SET: variants seen among roughly 807,000 people sequenced by gnomAD.
SET encodes SET nuclear proto-oncogene.
Under a neutral mutation model 39.0 loss-of-function variants are expected in SET, and 4 were observed. The observed-to-expected ratio is 0.10, with a 90% CI of 0.05 to 0.23. The LOEUF (loss-of-function observed/expected upper bound fraction) is 0.23. SET is among the 10% of genes least tolerant of loss of function. The probability of loss-of-function intolerance (pLI) is 1.00; values close to 1 mark genes in which losing one functional copy is unlikely to be tolerated. For missense variants in SET, 137 were observed against 329.7 expected, an observed-to-expected ratio of 0.42 and a Z score of 4.53; for synonymous variants, 114 against 115.9, an observed-to-expected ratio of 0.98 and a Z score of 0.11.
rs879052185 is a variant in SET, at chr9:128,694,003, T to G, written c.771T>G (p.Gly257=). The part of the protein sequence containing the change: ...DIDEEGDEDE[G]EEDEDDDEGE... ...ACGAAGAAGGGGATGAGGATGAAGG[T>G]GAAGAAGATGAAGATGATGATGAAG... Residue 257 remains glycine, a synonymous_variant, in exon 7 of 8, where the codon GGT becomes GGG. Coordinates refer to ENST00000322030, the MANE Select transcript of SET (RefSeq NM_003011.4). The G allele has an allele frequency of 2.6e-6, 4 of 1,538,830 alleles. No homozygotes were observed. Among genetic ancestry groups the G allele is most frequent in the Non-Finnish European group, 2.7e-6 (3 of 1,125,412 alleles).
chr9:128,694,825 T>TG lies in SET; in HGVS notation c.*167dup, dbSNP rs1377677779. 8 of 493,542 alleles carry TG rather than the reference T, an allele frequency of 1.6e-5. No homozygotes were observed. Among genetic ancestry groups the TG allele is most frequent in the South Asian group, 3.4e-5 (1 of 29,664 alleles). The allele number at this position is 493,542 out of a possible 1,614,324, so 30.6% of individuals were successfully genotyped here. A position where few individuals can be genotyped will look rare whatever the true frequency, so the allele number is the denominator to read the frequency against. On this transcript the variant is annotated 3_prime_UTR_variant, in exon 8 of 8. Transcript: ENST00000322030. ...TCTACTCCATGGTTCTCAATTTATT[T>TG]GGGGGGAAATACCTTGAGCAGAATA...
At chr9:128,693,043 C>T (rs1861603376) in intron 5 of SET, 62 bp downstream of exon 5, 3 of 1,080,922 alleles carry the variant, frequency 2.8e-6, no homozygotes, top group Admixed American at 2.0e-5. Context: ...TAGTTTTAAC[C>T]ACTTACAAGT....
chr9:128,691,560 ATCG>A (rs1465825550), intron 2 of SET, among the ~76,000 whole-genome samples: 1 of 152,180 alleles, frequency 6.6e-6, no homozygotes, highest in Non-Finnish European at 1.5e-5. Flanking sequence ...TTATTTAGAA[ATCG>A]CGCTTGAGGG....
Position 128,693,913 on chromosome 9 carries a change from T to A in SET, c.681T>A (p.Asp227Glu), listed in dbSNP as rs1554776989. 1.3e-6 allele frequency: 2 copies of A among 1,596,840 alleles called. No homozygotes were observed. Among genetic ancestry groups the A allele is most frequent in the South Asian group, 1.1e-5 (1 of 89,182 alleles). The change falls in exon 7 of 8, where the codon GAT becomes GAA. Residue 227 changes from aspartate to glutamate, a missense_variant. By Grantham distance (45) the Asp-to-Glu change is conservative. This residue lies in a region of SET where 44 missense variants were observed against 63.0 expected (regional missense o/e 0.70). Transcript: ENST00000322030. ...LQYYLVPDMD[D>E]EEGEGEEDDD... is the part of the protein sequence containing the mutation. ...TTTTTAAGGTTCCCGATATGGATGA[T>A]GAAGAAGGAGAAGGAGAAGAAGATG...
upstream of SET, among the ~76,000 whole-genome samples, chr9:128,686,038 AAAC>A (rs1861275226): frequency 6.6e-6 from 1 of 151,904 alleles, no homozygotes; most frequent in Non-Finnish European, 1.5e-5. Context: ...ACAAAAAAAA[AAAC>A]AACCAGAGGG....
In SET at chr9:128,689,294, C is replaced by G. The variant is rs1861405981; in HGVS notation, c.-289C>G. ...GCAGCGAGCTGGCTGGATCGCCGAG[C>G]GCGAGTGAGGGAGCCGAGCCGCCCG... On this transcript the variant is annotated 5_prime_UTR_variant, in exon 1 of 8. Transcript: ENST00000322030. 2 of 1,018,482 alleles carry G rather than the reference C, an allele frequency of 2.0e-6. No homozygotes were observed. Among genetic ancestry groups the G allele is most frequent in the African/African-American group, 1.7e-5 (1 of 58,102 alleles). The allele number at this position is 1,018,482 out of a possible 1,614,324, so 63.1% of individuals were successfully genotyped here.
rs1861670740 is a variant in SET, at chr9:128,694,757, T to TTC, written c.*94_*95dup. On this transcript the variant is annotated 3_prime_UTR_variant, in exon 8 of 8. Coordinates refer to ENST00000322030, the MANE Select transcript of SET (RefSeq NM_003011.4). ...GTCTTTTTTTTTTTTTTTTTTTTTT[T>TTC]TCCCTCTTGTGCTCAGTCGCCCTGT... is the stretch of plus-strand genomic sequence containing the variant. The TTC allele has an allele frequency of 3.1e-6, 2 of 644,392 alleles. No homozygotes were observed. Among genetic ancestry groups the TTC allele is most frequent in the Admixed American group, 3.1e-5 (1 of 32,074 alleles). 39.9% of individuals were successfully genotyped at this position (644,392 alleles called of 1,614,324 possible).
chr9:128,693,014 C>A, intron 5 of SET, 33 bp downstream of exon 5: 1 of 1,405,664 alleles, frequency 7.1e-7, no homozygotes, highest in Non-Finnish European at 1.0e-6. Context: ...ACAAAAATAG[C>A]ATTTTGCCTA....
intron 5 of SET, 52 bp downstream of exon 5, chr9:128,693,033 T>C (rs777701953): frequency 1.6e-6 from 2 of 1,229,212 alleles, no homozygotes; most frequent in Admixed American, 3.7e-5. Flanking sequence ...TATTTCAGTT[T>C]AGTTTTAACC....
chr9:128,692,407 A>AC (rs1861574933), intron 3 of SET: 2 of 255,746 alleles, frequency 7.8e-6, no homozygotes, highest in African/African-American at 2.4e-5. Flanking sequence ...CAAAAAAAAA[A>AC]AAAAAAAAAA....
At chr9:128,688,740 A>G (rs1861374649), upstream of SET, among the ~76,000 whole-genome samples, 1 of 152,146 alleles carries the variant, frequency 6.6e-6, no homozygotes, top group Non-Finnish European at 1.5e-5. Context: ...CCCGAGTTTG[A>G]GTCCGATCGG....
chr9:128,683,756 C>A, exon 1 of SET: 1 of 648,546 alleles, frequency 1.5e-6, no homozygotes. Flanking sequence ...GTGTGTCCCA[C>A]TGTCATGTAA....
chr9:128,695,794 C>G lies in SET; in HGVS notation c.*1130C>G. The G allele has an allele frequency of 4.4e-6, 1 of 224,784 alleles. No individual in the cohort carries two copies. The highest frequency in any genetic ancestry group is 6.3e-5 in the East Asian group (1 of 15,796). 13.9% of individuals were successfully genotyped at this position (224,784 alleles called of 1,614,324 possible). The stretch of plus-strand genomic sequence containing the variant: ...ATTTGGGATACCAGATAGCTCAATA[C>G]TCTCTGAGTACATTGTGCCCTTGAT... On this transcript the variant is annotated 3_prime_UTR_variant, in exon 8 of 8. Coordinates refer to ENST00000322030, the MANE Select transcript of SET (RefSeq NM_003011.4).
chr9:128,689,382 C>T lies in SET; in HGVS notation c.-201C>T, dbSNP rs2132243194. ...CCGGGCCGGGGCCCGGCACGCCGCC[C>T]CAGCCCGTCCCTCGGCGTCAGGCCG... On this transcript the variant is annotated 5_prime_UTR_variant, in exon 1 of 8. Coordinates refer to ENST00000322030, the MANE Select transcript of SET (RefSeq NM_003011.4). 2 of 982,544 alleles carry T rather than the reference C, an allele frequency of 2.0e-6. No individual in the cohort carries two copies. Among genetic ancestry groups the T allele is most frequent in the East Asian group, 5.1e-5 (1 of 19,426 alleles). 60.9% of individuals were successfully genotyped at this position (982,544 alleles called of 1,614,324 possible).
At position 128,689,536 on chromosome 9, in the gene SET, C is replaced by G. The variant is rs756719282; in HGVS notation, c.-47C>G. ...GCCGCTTGCCCGCCCCCTTCGCCTT[C>G]CCTTCTCTCCCCCTCCCCGCTCCCC... On this transcript the variant is annotated 5_prime_UTR_variant, in exon 1 of 8. Transcript: ENST00000322030. 1 of 1,017,210 alleles carries G rather than the reference C, an allele frequency of 9.8e-7. No homozygotes were observed. The highest frequency in any genetic ancestry group is 2.0e-5 in the South Asian group (1 of 50,794). The allele number at this position is 1,017,210 out of a possible 1,614,324, so 63.0% of individuals were successfully genotyped here.
In SET at chr9:128,695,332, TGAC is replaced by T. The variant is rs1337077992; in HGVS notation, c.*669_*671del. ...TTTAAAATAAATTCTCTCCTAATGA[TGAC>T]TTGAGCCCTGCCACTCAATGGGAGA... On this transcript the variant is annotated 3_prime_UTR_variant, in exon 8 of 8. Coordinates refer to ENST00000322030, the MANE Select transcript of SET (RefSeq NM_003011.4). The T allele has an allele frequency of 8.9e-6, 2 of 225,026 alleles. No individual in the cohort carries two copies. Among genetic ancestry groups the T allele is most frequent in the African/African-American group, 4.5e-5 (2 of 44,816 alleles). The allele number at this position is 225,026 out of a possible 1,614,324, so 13.9% of individuals were successfully genotyped here.
chr9:128,683,827 C>T, exon 1 of SET: 12 of 1,347,050 alleles, frequency 8.9e-6, no homozygotes, highest in Non-Finnish European at 1.2e-5. Context: ...CTGGGGCAGT[C>T]TCAGTGTTCA....
rs1398219702 is a variant in SET at position 128,691,156 on chromosome 9, C to T, written c.74-14C>T. On this transcript the variant is annotated splice_polypyrimidine_tract_variant and intron_variant, in intron 1 of 7. Coordinates refer to ENST00000322030, the MANE Select transcript of SET (RefSeq NM_003011.4). ...ATTTATCTTAGAATTAAGTTTTTTG[C>T]TCCTTTTTTGCAGAAAAAGAACAGC... 14 of 1,596,424 alleles carry T rather than the reference C, an allele frequency of 8.8e-6. No homozygotes were observed. The highest frequency in any genetic ancestry group is 1.2e-5 in the Non-Finnish European group (14 of 1,169,970).
chr9:128,688,012 A>G (rs1423770439), upstream of SET, among the ~76,000 whole-genome samples: 1 of 152,132 alleles, frequency 6.6e-6, no homozygotes, highest in Non-Finnish European at 1.5e-5. Flanking sequence ...AGGTCAGTAG[A>G]CCAGCCTGGC....
Sources: gnomAD v4.1 joint callset for allele counts (sites outside exome capture counted in the v4.1 genomes callset) on GRCh38, gnomAD v4.1.1 for gene constraint, gnomAD v4.1.1 regional missense constraint, MANE v1.5 for transcripts, NCBI Gene and HGNC (gene_info 2026-07-23, HGNC 2026-07-21) for gene names.